Variants in SPO11 observed in about 807,000 individuals in gnomAD.
The protein encoded by SPO11 is SPO11 initiator of meiotic double strand breaks, also known as meiotic recombination protein SPO11.
Under a neutral mutation model 51.6 loss-of-function variants are expected in SPO11, and 49 were observed. That is an observed-to-expected ratio of 0.95 (90% CI 0.75 to 1.20). The LOEUF is 1.20. SPO11 is among the 50% of genes most tolerant of loss of function. The pLI, the probability that SPO11 is intolerant of heterozygous loss-of-function variation, is 0.00. For missense variants in SPO11, 431 were observed against 473.4 expected (o/e 0.91, Z 0.83); for synonymous variants, 176 against 158.2 (o/e 1.11, Z -0.84).
intron 10 of SPO11, 60 bp from the exon 11 acceptor site, chr20:57,340,042 C>A: frequency 8.4e-7 from 1 of 1,188,712 alleles, no homozygotes; most frequent in Non-Finnish European, 1.3e-6. Flanking sequence ...GACTGAAAAA[C>A]AAGAATGCTA....
Position 57,329,894 on chromosome 20 carries a change from G to C in SPO11, c.27G>C (p.Glu9Asp). Reference sequence around the variant, plus strand: ...TGGCCTTTGCACCTATGGGGCCCGAGGCCTCGTTCTTCGACGTTTTGGACC... The same window carrying C: ...TGGCCTTTGCACCTATGGGGCCCGACGCCTCGTTCTTCGACGTTTTGGACC... MAFAPMGP[E>D]ASFFDVLDRH... Residue 9 changes from glutamate (E) to aspartate (D), a missense_variant, in exon 1 of 13, where the codon GAG (glutamate) becomes GAC (aspartate). Transcript: ENST00000371263. The C allele has an allele frequency of 6.2e-7, 1 of 1,613,874 alleles. No individual in the cohort carries two copies. Among genetic ancestry groups the C allele is most frequent in the Non-Finnish European group, 8.5e-7 (1 of 1,179,888 alleles).
chr20:57,342,331 T>C (rs2066592439), intron 11 of SPO11, among the ~76,000 whole-genome samples: 1 of 152,236 alleles, frequency 6.6e-6, no homozygotes, highest in African/African-American at 2.4e-5. Context: ...GCCATGCATA[T>C]TGGAGCTCAC....
chr20:57,338,023 G>A (rs2066534095), intron 8 of SPO11, among the ~76,000 whole-genome samples: 1 of 151,818 alleles, frequency 6.6e-6, no homozygotes, highest in Admixed American at 6.6e-5. Context: ...GAGTACCTGG[G>A]ATTACAGGCG....
At chr20:57,339,160 T>C (rs2066549784) in intron 10 of SPO11, 134 bp downstream of exon 10, 2 of 492,842 alleles carry the variant, frequency 4.1e-6, no homozygotes, top group Non-Finnish European at 7.3e-6. Context: ...TAGTATCCTA[T>C]TCTAGGAGCA....
At position 57,342,803 on chromosome 20, in the gene SPO11, G is replaced by T; in HGVS notation, c.1034G>T (p.Arg345Ile). ...DQMKLDSILR[R>I]PYVTCQPFWR... is the part of the protein sequence containing the mutation. The stretch of plus-strand genomic sequence containing the variant: ...ATGAAACTTGACAGTATCCTGAGGA[G>T]ACCTTATGTTACCTGCCAACCATTT... Residue 345 changes from arginine to isoleucine, a missense_variant, in exon 12 of 13, where the codon AGA (arginine) becomes ATA (isoleucine). By Grantham distance (97) the Arg-to-Ile change is moderately conservative. This residue lies in a region of SPO11 where 405 missense variants were observed against 425.9 expected (regional missense o/e 0.95). Transcript: ENST00000371263. 1 of 1,613,292 alleles carries T rather than the reference G, an allele frequency of 6.2e-7. No homozygotes were observed. The highest frequency in any genetic ancestry group is 8.5e-7 in the Non-Finnish European group (1 of 1,179,576).
chr20:57,336,328 C>G (rs2066513024), intron 8 of SPO11, among the ~76,000 whole-genome samples: 1 of 152,172 alleles, frequency 6.6e-6, no homozygotes, highest in Admixed American at 6.5e-5. Context: ...CCATGGTCAC[C>G]AAGTCCTTTT....
chr20:57,334,606 T>G, intron 5 of SPO11, 144 bp from the exon 6 acceptor site: 1 of 591,202 alleles, frequency 1.7e-6, no homozygotes, highest in African/African-American at 1.9e-5. Flanking sequence ...AATTCCTAAA[T>G]CCCTTACATA....
In SPO11 at chr20:57,343,329, T is replaced by G; in HGVS notation, c.1072-12T>G. On this transcript the variant is annotated splice_polypyrimidine_tract_variant and intron_variant, in intron 12 of 12. Coordinates refer to ENST00000371263, the MANE Select transcript of SPO11 (RefSeq NM_012444.3). The stretch of plus-strand genomic sequence containing the variant: ...GAACTCTGGTATGAGTACATTTTAC[T>G]TTTATTGACAGATGGAAATAATGGC... 1 of 1,604,130 alleles carries G rather than the reference T, an allele frequency of 6.2e-7. No homozygotes were observed. The highest frequency in any genetic ancestry group is 1.1e-5 in the South Asian group (1 of 88,244).
intron 8 of SPO11, 130 bp downstream of exon 8, chr20:57,336,037 G>A (rs780705082): frequency 3.6e-5 from 21 of 587,146 alleles, no homozygotes; most frequent in Non-Finnish European, 5.3e-5. Flanking sequence ...ATCATAGAAC[G>A]GGAATTTCCA....
chr20:57,332,492 T>TCA (rs1286315039), intron 2 of SPO11, among the ~76,000 whole-genome samples: 1 of 152,222 alleles, frequency 6.6e-6, no homozygotes, highest in Non-Finnish European at 1.5e-5. Flanking sequence ...AACCTAGTTA[T>TCA]ACCGGTTTTT....
intron 9 of SPO11, 122 bp from the exon 10 acceptor site, chr20:57,338,867 A>AT: frequency 1.7e-6 from 1 of 596,320 alleles, no homozygotes; most frequent in Non-Finnish European, 3.0e-6. Context: ...TAAACTGAGA[A>AT]TGATAAATTT....
intron 10 of SPO11, 144 bp downstream of exon 10, chr20:57,339,170 A>C (rs980779206): frequency 2.1e-6 from 1 of 471,230 alleles, no homozygotes; most frequent in Non-Finnish European, 3.9e-6. Context: ...TTCTAGGAGC[A>C]ATCTGTGTGT....
chr20:57,329,990 G>T lies in SPO11; in HGVS notation c.123G>T (p.Leu41=), dbSNP rs763623722. The T allele has an allele frequency of 3.9e-5, 62 of 1,599,686 alleles. 2 individuals are homozygous for T. In the South Asian group the frequency reaches 6.8e-4, roughly 18 times the overall value. Residue 41 remains leucine, a synonymous_variant, in exon 1 of 13, where the codon CTG becomes CTT. Coordinates refer to ENST00000371263, the MANE Select transcript of SPO11 (RefSeq NM_012444.3). ...AGCCCCCAACTGGGGGAAGCCGCCT[G>T]GCCTCCAGGTACAGGAGCTGGTGCC... ...GREPPTGGSR[L]ASSSEVLASI... is the part of the protein sequence containing the mutation.
intron 1 of SPO11, 102 bp downstream of exon 1, chr20:57,330,100 C>T (rs28368065): frequency 3.5e-6 from 5 of 1,413,846 alleles, no homozygotes; most frequent in African/African-American, 2.9e-5. Flanking sequence ...TGAGGAGGCA[C>T]CCCTTGGCGG....
intron 6 of SPO11, among the ~76,000 whole-genome samples, chr20:57,335,181 C>T (rs1414783473): frequency 6.6e-6 from 1 of 152,088 alleles, no homozygotes; most frequent in Admixed American, 6.5e-5. Flanking sequence ...ATTTGCTGGG[C>T]TTTGATACAA....
chr20:57,340,635 T>C (rs1016842853), intron 11 of SPO11, among the ~76,000 whole-genome samples: 1 of 151,768 alleles, frequency 6.6e-6, no homozygotes, highest in Non-Finnish European at 1.5e-5. Context: ...GTGGTGGTGG[T>C]GTATGCCTGT....
At chr20:57,334,474 A>G (rs1461580962) in intron 5 of SPO11, among the ~76,000 whole-genome samples, 1 of 152,116 alleles carries the variant, frequency 6.6e-6, no homozygotes, top group Non-Finnish European at 1.5e-5. Context: ...TTTAAAACAT[A>G]ATATAGTCTT....
chr20:57,330,047 CGGGCG>C, intron 1 of SPO11, 49 bp downstream of exon 1: 1 of 1,515,174 alleles, frequency 6.6e-7, no homozygotes, highest in Non-Finnish European at 8.8e-7. Flanking sequence ...GTAGAAAAGT[CGGGCG>C]CTCTTCCTGG....
chr20:57,331,683 T>G (rs2066452007), intron 1 of SPO11, 150 bp from the exon 2 acceptor site: 1 of 426,024 alleles, frequency 2.3e-6, no homozygotes. Context: ...AGTCTTTTTT[T>G]TTGTCTTTTT....
Sources: allele counts gnomAD v4.1 joint callset (sites outside exome capture counted in the v4.1 genomes callset), GRCh38; gene constraint gnomAD v4.1.1; regional missense constraint gnomAD v4.1.1; transcripts MANE v1.5; gene names NCBI Gene and HGNC (gene_info 2026-07-23, HGNC 2026-07-21).